Variants in AHCYL2 observed in about 807,000 individuals in gnomAD.
AHCYL2 encodes the protein S-adenosylhomocysteine hydrolase-like protein 2.
In AHCYL2, 28 loss-of-function variants were observed where a neutral mutation model predicts 81.4. That is an observed-to-expected ratio of 0.34 (90% CI 0.25 to 0.47). The LOEUF is 0.47. AHCYL2 is among the 20% of genes least tolerant of loss of function. AHCYL2 has a pLI of 1.00. For missense variants in AHCYL2, 551 were observed against 785.1 expected (o/e 0.70, Z 3.56); for synonymous variants, 272 against 290.2 (o/e 0.94, Z 0.64).
chr7:129,310,813 A>G (rs1030424343), intron 1 of AHCYL2, among the ~76,000 whole-genome samples: 1 of 152,166 alleles, frequency 6.6e-6, no homozygotes, highest in Non-Finnish European at 1.5e-5. Context: ...AAAGCAGTAT[A>G]TAACAGACTT....
At chr7:129,330,853 A>G (rs1025924744) in intron 1 of AHCYL2, among the ~76,000 whole-genome samples, 58 of 152,220 alleles carry the variant, frequency 3.8e-4, no homozygotes, top group Non-Finnish European at 1.0e-4. Flanking sequence ...TATGTTATGA[A>G]CATGTCTATG....
In AHCYL2 at chr7:129,406,238, C is replaced by G; in HGVS notation, c.1207-140C>G. On this transcript the variant is annotated intron_variant, in intron 9 of 16. Transcript: ENST00000325006. This position sits in a 1 kb window ranked among gnomAD's most constrained non-coding sequence, Gnocchi z 4.3. ...TATGAGCTGCATTCAATTATTTGTT[C>G]TTCTCGTTTTCCCCAAGTATGAATC... The G allele has an allele frequency of 2.8e-6, 2 of 716,498 alleles. No individual in the cohort carries two copies. The highest frequency in any genetic ancestry group is 4.6e-6 in the Non-Finnish European group (2 of 430,384). 44.4% of individuals were successfully genotyped at this position (716,498 alleles called of 1,614,324 possible).
intron 2 of AHCYL2, among the ~76,000 whole-genome samples, chr7:129,381,402 T>G (rs1794949227): frequency 6.6e-6 from 1 of 152,200 alleles, no homozygotes; most frequent in Non-Finnish European, 1.5e-5. Context: ...CATAGTGGCT[T>G]GGCATAGCTC....
Position 129,397,302 on chromosome 7 carries a change from G to T in AHCYL2, c.801G>T (p.Val267=). The T allele has an allele frequency of 6.2e-7, 1 of 1,614,096 alleles. No homozygotes were observed. The highest frequency in any genetic ancestry group is 1.7e-5 in the Admixed American group (1 of 60,008). ...ACATCTATTCCACTCTCAATGAAGTGGCTGCTGCTCTAGCAGAAAGTGGTA... is the reference window on the plus strand; with the variant it reads ...ACATCTATTCCACTCTCAATGAAGTTGCTGCTGCTCTAGCAGAAAGTGGTA... ...ACNIYSTLNE[V]AAALAESGFP... The change falls in exon 5 of 17, where the codon GTG becomes GTT. Residue 267 remains valine (V), a synonymous_variant. Transcript: ENST00000325006.
chr7:129,385,467 T>C (rs1188014754), intron 2 of AHCYL2, among the ~76,000 whole-genome samples: 1 of 152,268 alleles, frequency 6.6e-6, no homozygotes, highest in Non-Finnish European at 1.5e-5. Context: ...ATACATGTTC[T>C]GTGAGATAGA....
intron 1 of AHCYL2, among the ~76,000 whole-genome samples, chr7:129,268,326 T>A (rs1795887541): frequency 6.6e-6 from 1 of 152,086 alleles, no homozygotes; most frequent in Non-Finnish European, 1.5e-5. Flanking sequence ...ATTAGGGAGT[T>A]TGCTTGTGCT....
intron 1 of AHCYL2, among the ~76,000 whole-genome samples, chr7:129,329,284 A>AGAGAGGC (rs1298309103): frequency 6.6e-6 from 1 of 152,118 alleles, no homozygotes; most frequent in African/African-American, 2.4e-5. Context: ...GGCTCAAGCA[A>AGAGAGGC]TCTTCCCACC....
At chr7:129,299,366 C>CTTTTTT (rs1563186610) in intron 1 of AHCYL2, among the ~76,000 whole-genome samples, 1 of 83,732 alleles carries the variant, frequency 1.2e-5, no homozygotes, top group African/African-American at 4.5e-5. Flanking sequence ...GAGAGTCCAA[C>CTTTTTT]TTGTTTTTTT....
intron 1 of AHCYL2, among the ~76,000 whole-genome samples, chr7:129,328,673 A>G (rs945637731): frequency 1.3e-5 from 2 of 151,988 alleles, no homozygotes; most frequent in Non-Finnish European, 2.9e-5. Flanking sequence ...TTTAGTAGAG[A>G]TAGGGTTTCA....
At chr7:129,372,138 A>G (rs1019334363) in intron 1 of AHCYL2, among the ~76,000 whole-genome samples, 10 of 152,240 alleles carry the variant, frequency 6.6e-5, no homozygotes, top group African/African-American at 2.2e-4. Flanking sequence ...GGTTAAGAAC[A>G]CTTAATTTGA....
chr7:129,362,079 A>G (rs1231840073), intron 1 of AHCYL2, among the ~76,000 whole-genome samples: 1 of 152,168 alleles, frequency 6.6e-6, no homozygotes, highest in Non-Finnish European at 1.5e-5. Context: ...GTTTTGGACA[A>G]AATAGCTTCC....
chr7:129,397,813 T>A (rs946046321), intron 5 of AHCYL2, among the ~76,000 whole-genome samples: 1 of 152,218 alleles, frequency 6.6e-6, no homozygotes, highest in Non-Finnish European at 1.5e-5. Context: ...ATAGAGAAAT[T>A]TGGACTTTGC....
intron 1 of AHCYL2, among the ~76,000 whole-genome samples, chr7:129,356,762 G>T (rs1357421792): frequency 6.6e-6 from 1 of 151,982 alleles, no homozygotes; most frequent in Non-Finnish European, 1.5e-5. Flanking sequence ...AAGAAGGGAG[G>T]GTCTCTGATT....
At position 129,426,586 on chromosome 7, in the gene AHCYL2, C is replaced by G. The variant is rs1797375046; in HGVS notation, c.1829+23C>G. 1 of 1,610,224 alleles carries G rather than the reference C, an allele frequency of 6.2e-7. No individual in the cohort carries two copies. The highest frequency in any genetic ancestry group is 1.3e-5 in the African/African-American group (1 of 74,922). ...CAGGTGCCTTGGGCTCCCCAGAAATCAGGGACACCTGGGCAGTGATGAGCT... is the reference window on the plus strand; with the variant it reads ...CAGGTGCCTTGGGCTCCCCAGAAATGAGGGACACCTGGGCAGTGATGAGCT... On this transcript the variant is annotated intron_variant, in intron 16 of 16. Coordinates refer to ENST00000325006, the MANE Select transcript of AHCYL2 (RefSeq NM_015328.4). This position sits in a 1 kb window ranked among gnomAD's most constrained non-coding sequence, Gnocchi z 4.3.
At chr7:129,333,330 A>AT (rs1347114480) in intron 1 of AHCYL2, among the ~76,000 whole-genome samples, 15 of 149,598 alleles carry the variant, frequency 1.0e-4, no homozygotes, top group African/African-American at 2.7e-4. Flanking sequence ...AAAAAAAAAA[A>AT]TTTTTTTTTA....
At chr7:129,388,953 A>T in intron 2 of AHCYL2, 103 bp from the exon 3 acceptor site, 1 of 1,394,160 alleles carries the variant, frequency 7.2e-7, no homozygotes, top group Non-Finnish European at 9.7e-7. Context: ...AAAAAAATTT[A>T]TATGGTGCTA....
At chr7:129,239,561 C>T (rs1794769935) in intron 1 of AHCYL2, among the ~76,000 whole-genome samples, 1 of 151,988 alleles carries the variant, frequency 6.6e-6, no homozygotes, top group African/African-American at 2.4e-5. Flanking sequence ...GTCCTCCTGC[C>T]TTAGCCTCCT....
chr7:129,257,894 A>G (rs1795480873), intron 1 of AHCYL2, among the ~76,000 whole-genome samples: 1 of 152,254 alleles, frequency 6.6e-6, no homozygotes, highest in South Asian at 2.1e-4. Flanking sequence ...ATACATTTTA[A>G]AATGTATGTA....
intron 1 of AHCYL2, among the ~76,000 whole-genome samples, chr7:129,248,845 T>C (rs1795150355): frequency 6.6e-6 from 1 of 152,168 alleles, no homozygotes; most frequent in South Asian, 2.1e-4. Flanking sequence ...TTTCTCTAGC[T>C]GCTCTTTAGC....
Sources: gnomAD v4.1 joint callset for allele counts (sites outside exome capture counted in the v4.1 genomes callset) on GRCh38, gnomAD v4.1.1 for gene constraint, Gnocchi (gnomAD v3.1) non-coding constraint, MANE v1.5 for transcripts, NCBI Gene and HGNC (gene_info 2026-07-23, HGNC 2026-07-21) for gene names.